The following ASTN2 variants were observed in gnomAD, a reference collection of about 807,000 sequenced individuals.
ASTN2 encodes astrotactin-2.
A neutral mutation model predicts 139.8 loss-of-function variants in ASTN2; 54 were observed. That is an observed-to-expected ratio of 0.39 (90% confidence interval 0.31 to 0.48). ASTN2 has a LOEUF of 0.48. Ranked by LOEUF, ASTN2 falls within the 20% of genes least tolerant of loss-of-function variation. The pLI, the probability that ASTN2 is intolerant of heterozygous loss-of-function variation, is 0.95. For missense variants in ASTN2, 1,565 were observed against 1,725.1 expected (o/e 0.91, Z 1.64); for synonymous variants, 756 against 719.5 (o/e 1.05, Z -0.81).
intron 16 of ASTN2, among the ~76,000 whole-genome samples, chr9:116,680,551 GC>G (rs1469994145): frequency 6.6e-6 from 1 of 152,126 alleles, no homozygotes; most frequent in Non-Finnish European, 1.5e-5. Flanking sequence ...TGATACCAAA[GC>G]CGGGCAGAGA....
chr9:117,113,484 C>T (rs999209020), intron 4 of ASTN2, among the ~76,000 whole-genome samples: 1 of 152,028 alleles, frequency 6.6e-6, no homozygotes, highest in South Asian at 2.1e-4. Flanking sequence ...GGTTAAACCC[C>T]GTCTCCACTA....
chr9:116,709,400 T>C (rs982379088), intron 16 of ASTN2, among the ~76,000 whole-genome samples: 5 of 152,214 alleles, frequency 3.3e-5, no homozygotes, highest in Admixed American at 3.3e-4. Context: ...GTGATGGAGC[T>C]TGCTGGAAAG....
chr9:116,531,670 C>A (rs1851357545), intron 19 of ASTN2, among the ~76,000 whole-genome samples: 1 of 152,150 alleles, frequency 6.6e-6, no homozygotes, highest in Non-Finnish European at 1.5e-5. Context: ...CCAGCTTCAT[C>A]CACGTTCCTA....
At chr9:116,438,882 G>A (rs1472242771) in intron 22 of ASTN2, among the ~76,000 whole-genome samples, 1 of 152,190 alleles carries the variant, frequency 6.6e-6, no homozygotes, top group African/African-American at 2.4e-5. Context: ...CTCACGAGGC[G>A]GAGGTTGCAG....
intron 12 of ASTN2, among the ~76,000 whole-genome samples, chr9:116,807,724 TTC>T (rs1016445053): frequency 3.3e-5 from 5 of 151,754 alleles, no homozygotes; most frequent in Non-Finnish European, 7.4e-5. Context: ...CTGGCTAGAG[TTC>T]TCTCTCTCTC....
intron 11 of ASTN2, among the ~76,000 whole-genome samples, chr9:116,848,083 A>T (rs545847937): frequency 2.6e-5 from 4 of 152,264 alleles, no homozygotes; most frequent in Admixed American, 1.3e-4. Context: ...GAAAATGAAC[A>T]TCTGTTGTGT....
intron 7 of ASTN2, among the ~76,000 whole-genome samples, chr9:116,993,876 A>ATTTTT (rs1554767643): frequency 7.0e-6 from 1 of 142,058 alleles, no homozygotes; most frequent in African/African-American, 2.6e-5. Context: ...ATATATATAT[A>ATTTTT]TTTTAACTAT....
At chr9:116,696,161 G>A (rs1438669011) in intron 16 of ASTN2, among the ~76,000 whole-genome samples, 4 of 151,890 alleles carry the variant, frequency 2.6e-5, no homozygotes, top group South Asian at 2.1e-4. Flanking sequence ...TGAAAATGAC[G>A]CTCAAAAATC....
At chr9:117,240,494 G>A (rs1833173068) in intron 2 of ASTN2, among the ~76,000 whole-genome samples, 1 of 152,202 alleles carries the variant, frequency 6.6e-6, no homozygotes, top group Non-Finnish European at 1.5e-5. Context: ...AGGTTGGTAT[G>A]ACTGGAGCAG....
chr9:117,008,034 GC>G (rs557202259), intron 7 of ASTN2, 57 bp downstream of exon 7: 2 of 1,472,994 alleles, frequency 1.4e-6, no homozygotes, highest in Non-Finnish European at 1.8e-6. Flanking sequence ...GGAGCACAAT[GC>G]CTCTTTCAAC....
chr9:116,464,648 A>T (rs533622892), intron 20 of ASTN2, among the ~76,000 whole-genome samples: 5 of 152,320 alleles, frequency 3.3e-5, no homozygotes, highest in African/African-American at 9.6e-5. Flanking sequence ...GAGTGGGGGT[A>T]GAATATGAGA....
At position 116,704,003 on chromosome 9, in the gene ASTN2, T is replaced by A. The variant is rs148080919; in HGVS notation, c.2806+21768A>T. 6.6e-3 allele frequency among the ~76,000 whole-genome samples: 1,005 copies of A among 152,308 alleles called. 11 individuals carry two copies. Among genetic ancestry groups the A allele is most frequent in the African/African-American group, 0.023 (949 of 41,566 alleles). On this transcript the variant is annotated intron_variant, in intron 16 of 22. Transcript: ENST00000313400. ...CTTTATCTTGTCAATATCATTAATA[T>A]TCACGGGACCCAAGCTAAGGCTGAA... is the stretch of plus-strand genomic sequence containing the variant.
intron 17 of ASTN2, among the ~76,000 whole-genome samples, chr9:116,649,287 T>C (rs1857771906): frequency 6.6e-6 from 1 of 151,322 alleles, no homozygotes; most frequent in Non-Finnish European, 1.5e-5. Flanking sequence ...TATAAAATCT[T>C]TGGAGCCAGG....
At chr9:117,032,204 G>A (rs1000469522) in intron 6 of ASTN2, among the ~76,000 whole-genome samples, 1 of 152,064 alleles carries the variant, frequency 6.6e-6, no homozygotes, top group Non-Finnish European at 1.5e-5. Context: ...CTAGAGGAGG[G>A]AGCAAACTAA....
Position 117,016,624 on chromosome 9 carries a change from CT to C in ASTN2, c.1424-8366del, listed in dbSNP as rs1564385875. Among the ~76,000 whole-genome samples, 75 of 19,992 alleles carry C rather than the reference CT, an allele frequency of 3.8e-3. 5 individuals are homozygous for C. Among genetic ancestry groups the C allele is most frequent in the African/African-American group, 0.01 (45 of 4,426 alleles). The allele number at this position is 19,992 out of a possible 152,430, so 13.1% of individuals were successfully genotyped here. On this transcript the variant is annotated intron_variant, in intron 6 of 22. Coordinates refer to ENST00000313400, the MANE Select transcript of ASTN2 (RefSeq NM_001365068.1). ...TATATCTATATCTATATCTATCTAT[CT>C]ATATATATATATATATATATATATA...
intron 8 of ASTN2, 52 bp downstream of exon 8, chr9:116,976,649 A>G (rs1290393199): frequency 6.7e-7 from 1 of 1,493,176 alleles, no homozygotes; most frequent in Non-Finnish European, 9.3e-7. Context: ...AGAACAGAGG[A>G]GGTAAAAGTG....
intron 10 of ASTN2, among the ~76,000 whole-genome samples, chr9:116,922,987 CA>C (rs1834655049): frequency 6.6e-6 from 1 of 152,168 alleles, no homozygotes; most frequent in Non-Finnish European, 1.5e-5. Context: ...GAACCTTCCA[CA>C]GGCAGTATTA....
chr9:117,229,126 C>T lies in ASTN2; in HGVS notation c.631-14384G>A, dbSNP rs1179094705. Among the ~76,000 whole-genome samples the T allele has an allele frequency of 3.3e-5, 5 of 152,170 alleles. No individual in the cohort carries two copies. The East Asian group carries it at 9.6e-4, about 29-fold the overall frequency. On this transcript the variant is annotated intron_variant, in intron 2 of 22. Transcript: ENST00000313400. ...CCTTACCCTTAACAACTCCTCTCAT[C>T]CCTGAGATAATTTCCACCCCTGCTG...
chr9:116,423,791 T>C lies in ASTN2; in HGVS notation c.*2060A>G, dbSNP rs1046967650. 1.3e-5 allele frequency among the ~76,000 whole-genome samples: 2 copies of C among 152,200 alleles called. No homozygotes were observed. Among genetic ancestry groups the C allele is most frequent in the African/African-American group, 4.8e-5 (2 of 41,450 alleles). ...TTTTGTGTTACCCATTTTCCCCATA[T>C]GGATTGAAGTCCTGGGGAAAAAAAT... On this transcript the variant is annotated 3_prime_UTR_variant, in exon 23 of 23. Coordinates refer to ENST00000313400, the MANE Select transcript of ASTN2 (RefSeq NM_001365068.1).
Sources: allele counts gnomAD v4.1 joint callset (sites outside exome capture counted in the v4.1 genomes callset), GRCh38; gene constraint gnomAD v4.1.1; transcripts MANE v1.5; gene names NCBI Gene and HGNC (gene_info 2026-07-23, HGNC 2026-07-21).